RNPC3: variants seen among roughly 807,000 people sequenced by gnomAD.
RNPC3 encodes the protein RNA binding region (RNP1, RRM) containing 3.
RNPC3 carries 48 observed loss-of-function variants against 67.5 expected under a neutral mutation model. That is an observed-to-expected ratio of 0.71 (90% CI 0.56 to 0.90). The LOEUF is 0.90. Ranked by LOEUF, RNPC3 falls within the 40% of genes least tolerant of loss-of-function variation. RNPC3 has a pLI of 0.00. For missense variants in RNPC3, 637 were observed against 626.1 expected, an observed-to-expected ratio of 1.02 and a Z score of -0.19; for synonymous variants, 239 against 210.3, an observed-to-expected ratio of 1.14 and a Z score of -1.18.
intron 3 of RNPC3, 50 bp downstream of exon 3, chr1:103,533,907 G>T (rs1650923643): frequency 5.1e-6 from 5 of 975,206 alleles, no homozygotes; most frequent in Middle Eastern, 2.1e-4. Flanking sequence ...TAAAGTGTGT[G>T]TTTTTTTAAA....
intron 12 of RNPC3, 28 bp downstream of exon 12, chr1:103,547,063 A>G (rs752304010): frequency 1.4e-5 from 19 of 1,338,970 alleles, no homozygotes; most frequent in Admixed American, 2.5e-5. Context: ...ACAATCTTCA[A>G]TTATATTTTG....
chr1:103,536,856 C>T (rs1330461700), intron 6 of RNPC3, among the ~76,000 whole-genome samples: 2 of 151,854 alleles, frequency 1.3e-5, no homozygotes, highest in African/African-American at 4.8e-5. Context: ...ATACTAGCTG[C>T]TGTTAACAAA....
rs1650688277 is a variant in RNPC3, at chr1:103,525,904, T to C, written c.-167T>C. 4 of 611,218 alleles carry C rather than the reference T, an allele frequency of 6.5e-6. No homozygotes were observed. The highest frequency in any genetic ancestry group is 6.1e-5 in the Admixed American group (2 of 32,634). The allele number at this position is 611,218 out of a possible 1,614,324, so 37.9% of individuals were successfully genotyped here. On this transcript the variant is annotated 5_prime_UTR_variant, in exon 1 of 15. Coordinates refer to ENST00000423855, the MANE Select transcript of RNPC3 (RefSeq NM_017619.4). ...GAAGAGTCTTCGAAGGGTTGCCGCT[T>C]TTCGGTGGCGCAGTTCTCGCGAGAA...
At chr1:103,536,688 A>G (rs184230927) in intron 6 of RNPC3, among the ~76,000 whole-genome samples, 1 of 152,204 alleles carries the variant, frequency 6.6e-6, no homozygotes, top group East Asian at 1.9e-4. Flanking sequence ...AATTATTAAT[A>G]CTTTGAGTGT....
chr1:103,540,441 C>T (rs1449244002), intron 7 of RNPC3, among the ~76,000 whole-genome samples: 1 of 152,118 alleles, frequency 6.6e-6, no homozygotes, highest in Admixed American at 6.5e-5. Flanking sequence ...TGAATATATG[C>T]CTAGCACTCT....
intron 14 of RNPC3, chr1:103,554,550 C>G (rs989665139): frequency 6.6e-6 from 1 of 152,578 alleles, no homozygotes; most frequent in African/African-American, 2.4e-5. Flanking sequence ...ACTAATACAT[C>G]TGAATCTCTG....
chr1:103,534,761 C>T lies in RNPC3; in HGVS notation c.360-13C>T. 1 of 1,457,556 alleles carries T rather than the reference C, an allele frequency of 6.9e-7. No homozygotes were observed. Among genetic ancestry groups the T allele is most frequent in the Non-Finnish European group, 9.2e-7 (1 of 1,090,380 alleles). The allele number at this position is 1,457,556 out of a possible 1,614,324, so 90.3% of individuals were successfully genotyped here. On this transcript the variant is annotated splice_polypyrimidine_tract_variant and intron_variant, in intron 3 of 14. Coordinates refer to ENST00000423855, the MANE Select transcript of RNPC3 (RefSeq NM_017619.4). ...TGGAAAGATAAGATTAACTTTGATT[C>T]TGTATGTCCCAGGTCTGATGACCCT...
chr1:103,552,335 T>A (rs1651411784), intron 14 of RNPC3: 1 of 152,066 alleles, frequency 6.6e-6, no homozygotes. Context: ...CAGGTAATGA[T>A]GAGGCATCTT....
intron 3 of RNPC3, among the ~76,000 whole-genome samples, chr1:103,534,139 G>C (rs1175401331): frequency 6.6e-6 from 1 of 151,998 alleles, no homozygotes; most frequent in Non-Finnish European, 1.5e-5. Flanking sequence ...AAAATAACTA[G>C]TATGAAGTCT....
intron 10 of RNPC3, 37 bp from the exon 11 acceptor site, chr1:103,546,211 T>C (rs1188212498): frequency 6.2e-5 from 63 of 1,017,522 alleles, no homozygotes; most frequent in Admixed American, 4.3e-4. Context: ...CTTAAAATAT[T>C]TTAATTTTAT....
At chr1:103,543,005 C>G (rs1183323575) in intron 8 of RNPC3, among the ~76,000 whole-genome samples, 1 of 151,710 alleles carries the variant, frequency 6.6e-6, no homozygotes, top group South Asian at 2.1e-4. Context: ...TGTTTAGAAT[C>G]AAGAGTCATC....
chr1:103,535,360 G>A lies in RNPC3; in HGVS notation c.474G>A (p.Lys158=), dbSNP rs765753005. The part of the protein sequence containing the change: ...GLTFPLNSCL[K]YMYPPPSSTI... ...CTTTTCCTTTAAATTCATGCCTCAA[G>A]TATATGTACCCACCACCTTCCAGCA... is the stretch of plus-strand genomic sequence containing the variant. Residue 158 remains lysine, a synonymous_variant, in exon 5 of 15, where the codon AAG becomes AAA. Coordinates refer to ENST00000423855, the MANE Select transcript of RNPC3 (RefSeq NM_017619.4). The A allele has an allele frequency of 4.6e-6, 7 of 1,535,570 alleles. No individual in the cohort carries two copies. The South Asian group carries it at 8.3e-5, about 18-fold the overall frequency.
Position 103,551,480 on chromosome 1 carries a change from A to G in RNPC3, c.1495-241A>G, listed in dbSNP as rs143598016. On this transcript the variant is annotated intron_variant, in intron 13 of 14. Coordinates refer to ENST00000423855, the MANE Select transcript of RNPC3 (RefSeq NM_017619.4). ...TTAACCATCTTGCTTTTAGTAGTCA[A>G]TGCAGTTTGCAAACTAGAAATCAGC... Among the ~76,000 whole-genome samples, 1,166 of 152,306 alleles carry G rather than the reference A, an allele frequency of 7.7e-3. 20 individuals are homozygous for G. Among genetic ancestry groups the G allele is most frequent in the African/African-American group, 0.027 (1,136 of 41,568 alleles).
At chr1:103,538,787 A>G (rs190604725) in intron 7 of RNPC3, among the ~76,000 whole-genome samples, 1 of 152,342 alleles carries the variant, frequency 6.6e-6, no homozygotes, top group East Asian at 1.9e-4. Flanking sequence ...ACAAAACTAT[A>G]ATTAGTAACT....
At chr1:103,541,614 C>A in intron 8 of RNPC3, 139 bp downstream of exon 8, 1 of 696,674 alleles carries the variant, frequency 1.4e-6, no homozygotes, top group Non-Finnish European at 2.2e-6. Flanking sequence ...ACCAAATTTA[C>A]AAATATTCAT....
At chr1:103,542,625 G>T (rs1393630102) in intron 8 of RNPC3, among the ~76,000 whole-genome samples, 1 of 151,794 alleles carries the variant, frequency 6.6e-6, no homozygotes, top group Admixed American at 6.6e-5. Flanking sequence ...TGGACATTTT[G>T]TTATAGTCCA....
chr1:103,532,705 G>A (rs1199282315), intron 2 of RNPC3, among the ~76,000 whole-genome samples: 1 of 152,018 alleles, frequency 6.6e-6, no homozygotes, highest in African/African-American at 2.4e-5. Flanking sequence ...AAGAATGTAT[G>A]AAGTCTTGAA....
chr1:103,528,746 A>G (rs1052775118), intron 2 of RNPC3, among the ~76,000 whole-genome samples: 5 of 152,154 alleles, frequency 3.3e-5, no homozygotes, highest in Non-Finnish European at 7.4e-5. Context: ...ATGTGAATAG[A>G]TATGTTTGCC....
chr1:103,526,317 G>C (rs191349787), intron 1 of RNPC3, 55 bp downstream of exon 1: 1 of 1,428,756 alleles, frequency 7.0e-7, no homozygotes, highest in African/African-American at 1.4e-5. Context: ...AGTGACCGGG[G>C]AGGGGGAGCG....
Sources: gnomAD v4.1 joint callset for allele counts (sites outside exome capture counted in the v4.1 genomes callset) on GRCh38, gnomAD v4.1.1 for gene constraint, MANE v1.5 for transcripts, NCBI Gene and HGNC (gene_info 2026-07-23, HGNC 2026-07-21) for gene names.